The following CCDC6 variants were observed in gnomAD, a reference collection of about 807,000 sequenced individuals.
CCDC6 encodes coiled-coil domain-containing protein 6.
In CCDC6, 20 loss-of-function variants were observed where a neutral mutation model predicts 56.6. That is an observed-to-expected ratio of 0.35 (90% confidence interval 0.25 to 0.51). CCDC6 has a LOEUF of 0.51. CCDC6 is among the 20% of genes least tolerant of loss of function. The probability of loss-of-function intolerance (pLI) is 0.95; values close to 1 mark genes in which losing one functional copy is unlikely to be tolerated. For missense variants in CCDC6, 367 were observed against 601.1 expected (o/e 0.61, Z 4.07); for synonymous variants, 241 against 234.4 (o/e 1.03, Z -0.26).
At chr10:59,827,960 T>C (rs545778178) in intron 3 of CCDC6, among the ~76,000 whole-genome samples, 2 of 152,316 alleles carry the variant, frequency 1.3e-5, no homozygotes, top group South Asian at 4.1e-4. Flanking sequence ...GCCACTGTTG[T>C]CTTCTTCCCC....
chr10:59,897,589 T>C (rs528368218), intron 1 of CCDC6, among the ~76,000 whole-genome samples: 4 of 152,278 alleles, frequency 2.6e-5, no homozygotes, highest in African/African-American at 9.6e-5. Flanking sequence ...CAAGCTTGCA[T>C]ACAAGTAATT....
intron 7 of CCDC6, among the ~76,000 whole-genome samples, chr10:59,801,095 A>G (rs1166146090): frequency 1.3e-5 from 2 of 152,150 alleles, no homozygotes; most frequent in South Asian, 2.1e-4. Flanking sequence ...ACACTAAAAC[A>G]TTAACACCGC....
intron 3 of CCDC6, among the ~76,000 whole-genome samples, chr10:59,827,922 T>C (rs967818143): frequency 6.6e-6 from 1 of 152,174 alleles, no homozygotes; most frequent in African/African-American, 2.4e-5. Flanking sequence ...TTAATAACCA[T>C]GGAGTGTCTA....
intron 1 of CCDC6, among the ~76,000 whole-genome samples, chr10:59,875,975 A>C (rs529432705): frequency 4.6e-5 from 7 of 151,666 alleles, no homozygotes; most frequent in Admixed American, 1.3e-4. Context: ...CTGCAATCCC[A>C]AAAAAAATAA....
intron 1 of CCDC6, among the ~76,000 whole-genome samples, chr10:59,882,476 G>GAAAGGAAAGCCGGC (rs2071348994): frequency 3.2e-4 from 1 of 3,104 alleles, no homozygotes; most frequent in Non-Finnish European, 5.9e-4. Context: ...GGAAAGCCAG[G>GAAAGGAAAGCCGGC]GGGAGAAGGA....
At position 59,875,835 on chromosome 10, in the gene CCDC6, C is replaced by G. The variant is rs576596754; in HGVS notation, c.304-23133G>C. Among the ~76,000 whole-genome samples, 170 of 152,198 alleles carry G rather than the reference C, an allele frequency of 1.1e-3. 1 individual carries two copies. The highest frequency in any genetic ancestry group is 4.0e-3 in the African/African-American group (167 of 41,520). ...AAAGCAAGTTAACTAGGTAAACTAA[C>G]GAAGACAAAAGCTCTGCCCAGCCCA... is the stretch of plus-strand genomic sequence containing the variant. On this transcript the variant is annotated intron_variant, in intron 1 of 8. Transcript: ENST00000263102.
Position 59,815,905 on chromosome 10 carries a change from T to C in CCDC6, c.583-1150A>G, listed in dbSNP as rs115599844. On this transcript the variant is annotated intron_variant, in intron 3 of 8. Coordinates refer to ENST00000263102, the MANE Select transcript of CCDC6 (RefSeq NM_005436.5). ...CAGAACCAAAAACATGAATAAAATG[T>C]AGTCTTTTAAAGCAATCAAACATCA... Among the ~76,000 whole-genome samples, 368 of 152,332 alleles carry C rather than the reference T, an allele frequency of 2.4e-3. 2 individuals are homozygous for C. Among genetic ancestry groups the C allele is most frequent in the African/African-American group, 8.6e-3 (356 of 41,574 alleles).
chr10:59,830,805 T>C (rs1021319573), intron 3 of CCDC6, among the ~76,000 whole-genome samples: 10 of 152,200 alleles, frequency 6.6e-5, no homozygotes, highest in African/African-American at 2.4e-4. Context: ...ACTAGGCCAC[T>C]ACCTCCCCCT....
intron 1 of CCDC6, among the ~76,000 whole-genome samples, chr10:59,897,484 AC>A (rs2071472543): frequency 6.6e-6 from 1 of 152,016 alleles, no homozygotes; most frequent in African/African-American, 2.4e-5. Flanking sequence ...CAAACTCCCG[AC>A]CTCAGGTGAT....
intron 1 of CCDC6, among the ~76,000 whole-genome samples, chr10:59,899,024 G>A (rs910710613): frequency 5.3e-5 from 8 of 152,126 alleles, no homozygotes; most frequent in Non-Finnish European, 7.3e-5. Context: ...AGTGACCTTT[G>A]CAATTTACTG....
Position 59,844,762 on chromosome 10 carries a change from A to AAGAGAG in CCDC6, c.453+7785_453+7790dup, listed in dbSNP as rs1554884868. The stretch of plus-strand genomic sequence containing the variant: ...GACTATCTCCAAAAAAAAAAAAAAA[A>AAGAGAG]AGAGAGAGAGAGAGAGAAAATCCTT... On this transcript the variant is annotated intron_variant, in intron 2 of 8. Transcript: ENST00000263102. 9.4e-4 allele frequency among the ~76,000 whole-genome samples: 126 copies of AAGAGAG among 133,982 alleles called. 3 individuals are homozygous for AAGAGAG. The highest frequency in any genetic ancestry group is 3.7e-3 in the Middle Eastern group (1 of 270). 87.9% of individuals were successfully genotyped at this position (133,982 alleles called of 152,430 possible).
intron 1 of CCDC6, among the ~76,000 whole-genome samples, 179 bp from the exon 2 acceptor site, chr10:59,852,881 A>G (rs1351535781): frequency 6.6e-6 from 1 of 152,210 alleles, no homozygotes. Context: ...AGCAGAGTCT[A>G]CAGAAATGAA....
At chr10:59,819,731 C>T (rs766667477) in intron 3 of CCDC6, among the ~76,000 whole-genome samples, 7 of 152,130 alleles carry the variant, frequency 4.6e-5, no homozygotes, top group Non-Finnish European at 1.0e-4. Context: ...TTCCTAGTAT[C>T]ATCTGATCAC....
At chr10:59,805,957 G>A (rs1271035901) in intron 6 of CCDC6, among the ~76,000 whole-genome samples, 1 of 152,242 alleles carries the variant, frequency 6.6e-6, no homozygotes, top group Non-Finnish European at 1.5e-5. Flanking sequence ...TGGACAGCAC[G>A]TATTGGCATC....
rs572642582 is a variant in CCDC6, at chr10:59,836,032, T to C, written c.454-3379A>G. 1.4e-3 allele frequency among the ~76,000 whole-genome samples: 176 copies of C among 126,516 alleles called. 3 individuals are homozygous for C. The South Asian group carries it at 0.042, about 30-fold the overall frequency. 83.0% of individuals were successfully genotyped at this position (126,516 alleles called of 152,430 possible). A position where few individuals can be genotyped will look rare whatever the true frequency, so the allele number is the denominator to read the frequency against. On this transcript the variant is annotated intron_variant, in intron 2 of 8. Transcript: ENST00000263102. ...GTGCACCCCTGCAATCCAGCCTGGG[T>C]GACAGACTGCGACCCTGTCTAAAAA...
At chr10:59,831,110 A>C (rs1435148267) in intron 3 of CCDC6, among the ~76,000 whole-genome samples, 1 of 152,218 alleles carries the variant, frequency 6.6e-6, no homozygotes, top group Non-Finnish European at 1.5e-5. Context: ...CTGGGAATTA[A>C]ACGGGTGAAA....
Position 59,833,649 on chromosome 10 carries a change from G to C in CCDC6, c.454-996C>G, listed in dbSNP as rs1025854177. Reference sequence around the variant, plus strand: ...TTATAACACTCTCAACTGGGGGGGGGGGGGGTTTGTTGATCCACAGCAGGG... The same window carrying C: ...TTATAACACTCTCAACTGGGGGGGGCGGGGGTTTGTTGATCCACAGCAGGG... On this transcript the variant is annotated intron_variant, in intron 2 of 8. Coordinates refer to ENST00000263102, the MANE Select transcript of CCDC6 (RefSeq NM_005436.5). Among the ~76,000 whole-genome samples the C allele has an allele frequency of 2.6e-4, 36 of 141,166 alleles. 1 individual carries two copies. The highest frequency in any genetic ancestry group is 9.1e-4 in the African/African-American group (36 of 39,730). 92.6% of individuals were successfully genotyped at this position (141,166 alleles called of 152,430 possible).
In CCDC6 at chr10:59,790,611, A is replaced by G. The variant is rs1283658542; in HGVS notation, c.*2306T>C. The G allele has an allele frequency of 4.5e-6, 1 of 221,806 alleles. No individual in the cohort carries two copies. Among genetic ancestry groups the G allele is most frequent in the Admixed American group, 5.8e-5 (1 of 17,310 alleles). 13.7% of individuals were successfully genotyped at this position (221,806 alleles called of 1,614,324 possible). On this transcript the variant is annotated 3_prime_UTR_variant, in exon 9 of 9. Transcript: ENST00000263102. ...TCAAAAGAGTAGTGTTTGTTCTATC[A>G]GTTCTGAATGTCCACAGGGAGAGGC...
At chr10:59,886,065 T>C (rs1307322367) in intron 1 of CCDC6, among the ~76,000 whole-genome samples, 7 of 152,174 alleles carry the variant, frequency 4.6e-5, no homozygotes, top group Non-Finnish European at 8.8e-5. Context: ...ACGTTATTTG[T>C]AATATCTGTG....
Sources: gnomAD v4.1 joint callset for allele counts (sites outside exome capture counted in the v4.1 genomes callset) on GRCh38, gnomAD v4.1.1 for gene constraint, MANE v1.5 for transcripts, NCBI Gene and HGNC (gene_info 2026-07-23, HGNC 2026-07-21) for gene names.